The following HPS1 variants were observed in gnomAD, a reference collection of about 807,000 sequenced individuals.
HPS1 encodes the protein HPS1 biogenesis of lysosomal organelles complex 3 subunit 1, also known as BLOC-3 complex member HPS1.
Under a neutral mutation model 90.6 loss-of-function variants are expected in HPS1, and 59 were observed. The observed-to-expected ratio is 0.65, with a 90% CI of 0.53 to 0.81. The LOEUF is 0.81. Among genes scored for constraint, HPS1 ranks in the 30% least tolerant of loss-of-function variants. The pLI is 0.00. For synonymous variants in HPS1, 388 were observed against 384.4 expected, an observed-to-expected ratio of 1.01 and a Z score of -0.11; for missense variants, 849 against 896.7, an observed-to-expected ratio of 0.95 and a Z score of 0.68.
At position 98,434,082 on chromosome 10, in the gene HPS1, G is replaced by A. The variant is rs1846936369; in HGVS notation, c.408C>T (p.Pro136=). The A allele has an allele frequency of 6.5e-7, 1 of 1,549,894 alleles. No homozygotes were observed. The highest frequency in any genetic ancestry group is 1.4e-5 in the African/African-American group (1 of 73,188). Residue 136 remains proline (P), a synonymous_variant, in exon 6 of 20, where the codon CCC becomes CCT. Coordinates refer to ENST00000361490, the MANE Select transcript of HPS1 (RefSeq NM_000195.5). ...DGHLIRKELR[P]PDLAQRVQLW... is the part of the protein sequence containing the mutation. ...GCTGGACACGCTGCGCCAGGTCTGG[G>A]GGCCGCAGCCTGGGGGCAGAGCCAG...
chr10:98,417,857 C>T lies in HPS1; in HGVS notation c.1941-131G>A. The T allele has an allele frequency of 4.8e-6, 4 of 829,614 alleles. No individual in the cohort carries two copies. The South Asian group carries it at 6.4e-5, about 13-fold the overall frequency. 51.4% of individuals were successfully genotyped at this position (829,614 alleles called of 1,614,324 possible). A position where few individuals can be genotyped will look rare whatever the true frequency, so the allele number is the denominator to read the frequency against. ...TCTCACTAGGCCCCTGCATGTGGGCCTTGACAACCGCTCCGGTTCCTCACT... is the reference window on the plus strand; with the variant it reads ...TCTCACTAGGCCCCTGCATGTGGGCTTTGACAACCGCTCCGGTTCCTCACT... On this transcript the variant is annotated intron_variant, in intron 19 of 19. Transcript: ENST00000361490. This position sits in a 1 kb window ranked among gnomAD's most constrained non-coding sequence, Gnocchi z 4.2.
intron 11 of HPS1, among the ~76,000 whole-genome samples, chr10:98,426,841 C>G (rs1195370767): frequency 6.6e-6 from 1 of 151,616 alleles, no homozygotes; most frequent in African/African-American, 2.4e-5. Context: ...ATTTTGAGGA[C>G]GGGATTAAGA....
rs1383120459 is a variant in HPS1 at position 98,446,807 on chromosome 10, C to G, written c.-106G>C. 1 of 152,224 alleles carries G rather than the reference C, an allele frequency of 6.6e-6. No homozygotes were observed. Among genetic ancestry groups the G allele is most frequent in the Non-Finnish European group, 1.5e-5 (1 of 68,054 alleles). The allele number at this position is 152,224 out of a possible 1,614,324, so 9.4% of individuals were successfully genotyped here. ...GCTCCGGGACCCCTAGGGACCCTAC[C>G]TCACTTCCGGGAGGGTTGAAGGGGG... On this transcript the variant is annotated splice_region_variant and 5_prime_UTR_variant, in exon 1 of 20. Coordinates refer to ENST00000361490, the MANE Select transcript of HPS1 (RefSeq NM_000195.5).
chr10:98,431,363 G>A, intron 6 of HPS1, 72 bp from the exon 7 acceptor site: 1 of 1,495,342 alleles, frequency 6.7e-7, no homozygotes, highest in Non-Finnish European at 9.2e-7. Flanking sequence ...CTGGGCTAGT[G>A]GGGACATTCA....
In HPS1 at chr10:98,428,982, C is replaced by T. The variant is rs183364319; in HGVS notation, c.937+591G>A. Among the ~76,000 whole-genome samples the T allele has an allele frequency of 6.2e-3, 947 of 152,120 alleles. 3 individuals carry two copies. The highest frequency in any genetic ancestry group is 0.01 in the Non-Finnish European group (687 of 67,990). ...TCAGCCTCCCGAGTAGCTGGGATTA[C>T]AGGCGCCTGCCACCAGACCTGGCTA... On this transcript the variant is annotated intron_variant, in intron 10 of 19. Coordinates refer to ENST00000361490, the MANE Select transcript of HPS1 (RefSeq NM_000195.5).
In HPS1 at chr10:98,417,279, G is replaced by A; in HGVS notation, c.*285C>T. 1 of 329,810 alleles carries A rather than the reference G, an allele frequency of 3.0e-6. No individual in the cohort carries two copies. 20.4% of individuals were successfully genotyped at this position (329,810 alleles called of 1,614,324 possible). On this transcript the variant is annotated 3_prime_UTR_variant, in exon 20 of 20. Transcript: ENST00000361490. This position sits in a 1 kb window ranked among gnomAD's most constrained non-coding sequence, Gnocchi z 4.2. The stretch of plus-strand genomic sequence containing the variant: ...ATGGGGCTTCCTCCCCATCTCCCAG[G>A]ATAAAGGCAGAGGCAGCTCTGGAAG...
At chr10:98,421,626 A>G (rs1261019444) in intron 17 of HPS1, among the ~76,000 whole-genome samples, 1 of 152,146 alleles carries the variant, frequency 6.6e-6, no homozygotes, top group Non-Finnish European at 1.5e-5. Flanking sequence ...GATAACCCCA[A>G]CTGTCTCCAG....
At chr10:98,427,350 G>A (rs949052988) in intron 10 of HPS1, 86 bp from the exon 11 acceptor site, 65 of 1,177,658 alleles carry the variant, frequency 5.5e-5, no homozygotes, top group Non-Finnish European at 5.8e-5. Flanking sequence ...GGGCCCAGGT[G>A]CCCCCCACAA....
Position 98,429,889 on chromosome 10 carries a change from G to C in HPS1, c.769C>G (p.Pro257Ala), listed in dbSNP as rs1229186793. ...CTGCTCCGGGCCCTCCGCGGGGAAG[G>C]CTGTGCAGGGCAGGGGAGAGGCTGG... Reference protein sequence around the residue: ...SESTAEDDIQPSPRRARSSQN... With the variant: ...SESTAEDDIQASPRRARSSQN... The change falls in exon 9 of 20, where the codon CCT becomes GCT. Residue 257 changes from proline (P) to alanine (A), a missense_variant and splice_region_variant. Coordinates refer to ENST00000361490, the MANE Select transcript of HPS1 (RefSeq NM_000195.5). 1 of 1,609,774 alleles carries C rather than the reference G, an allele frequency of 6.2e-7. No homozygotes were observed. The highest frequency in any genetic ancestry group is 1.7e-5 in the Admixed American group (1 of 60,012).
chr10:98,420,229 G>A lies in HPS1; in HGVS notation c.1744-71C>T. ...GCCTGGGCAGCTCTCACCTCCGAAG[G>A]AAGGAAAGGGCACAGCCGAGAAGCT... On this transcript the variant is annotated intron_variant, in intron 17 of 19. Transcript: ENST00000361490. The A allele has an allele frequency of 3.6e-6, 4 of 1,102,178 alleles. 1 individual carries two copies. In the South Asian group the frequency reaches 5.0e-5, roughly 14 times the overall value. The allele number at this position is 1,102,178 out of a possible 1,614,324, so 68.3% of individuals were successfully genotyped here.
intron 10 of HPS1, 49 bp downstream of exon 10, chr10:98,429,524 G>T: frequency 6.2e-7 from 1 of 1,613,874 alleles, no homozygotes; most frequent in Non-Finnish European, 8.5e-7. Context: ...TGGGCTGCCT[G>T]TCGCTCGCAG....
Position 98,427,256 on chromosome 10 carries a change from TGGTGCTACCTGCAGGCCACA to T in HPS1, c.938-12_945del. 1.3e-6 allele frequency: 2 copies of T among 1,551,214 alleles called. No homozygotes were observed. The highest frequency in any genetic ancestry group is 1.7e-6 in the Non-Finnish European group (2 of 1,146,666). ...GGGGGGGTGCCCCCCTCCAGCCAGA[TGGTGCTACCTGCAGGCCACA>T]GGTAATAACATAACGATGTAAGTAC... On this transcript the variant is annotated splice_acceptor_variant and splice_polypyrimidine_tract_variant and coding_sequence_variant and intron_variant, in exon 11 of 20. Transcript: ENST00000361490. LOFTEE classifies it high-confidence loss of function.
intron 7 of HPS1, 106 bp from the exon 8 acceptor site, chr10:98,430,776 T>C: frequency 1.1e-6 from 1 of 891,506 alleles, no homozygotes; most frequent in East Asian, 2.6e-5. Context: ...AGGAGCAATG[T>C]ACTTCTGGAG....
chr10:98,423,281 C>CGCT (rs372730915), intron 16 of HPS1, among the ~76,000 whole-genome samples: 2 of 142,138 alleles, frequency 1.4e-5, no homozygotes, highest in Non-Finnish European at 3.1e-5. Context: ...CCACAGGAAC[C>CGCT]CCCCCCCCGG....
In HPS1 at chr10:98,434,207, T is replaced by G. The variant is rs933251463; in HGVS notation, c.399-116A>C. 2.8e-5 allele frequency: 28 copies of G among 1,011,044 alleles called. No individual in the cohort carries two copies. The Middle Eastern group carries it at 9.8e-4, about 35-fold the overall frequency. 62.6% of individuals were successfully genotyped at this position (1,011,044 alleles called of 1,614,324 possible). ...CAGAGCTTGGTGAGCCCATATGACC[T>G]GCCCACACAGCTGGGAAAGGGGGCC... is the stretch of plus-strand genomic sequence containing the variant. On this transcript the variant is annotated intron_variant, in intron 5 of 19. Transcript: ENST00000361490.
At position 98,417,905 on chromosome 10, in the gene HPS1, T is replaced by A. The variant is rs903640316; in HGVS notation, c.1941-179A>T. Among the ~76,000 whole-genome samples, 2 of 152,150 alleles carry A rather than the reference T, an allele frequency of 1.3e-5. No homozygotes were observed. The highest frequency in any genetic ancestry group is 2.9e-5 in the Non-Finnish European group (2 of 68,016). Reference sequence around the variant, plus strand: ...ACTGACCTAACAGTGGCATCCTGGCTACGAGGTAGCAGTGGGGATGTTCTG... The same window carrying A: ...ACTGACCTAACAGTGGCATCCTGGCAACGAGGTAGCAGTGGGGATGTTCTG... On this transcript the variant is annotated intron_variant, in intron 19 of 19. Transcript: ENST00000361490. The surrounding 1 kb of genome is among the most constrained non-coding windows in gnomAD (Gnocchi z 4.2).
chr10:98,424,291 T>C, intron 14 of HPS1, 22 bp downstream of exon 14: 1 of 1,600,020 alleles, frequency 6.2e-7, no homozygotes, highest in Non-Finnish European at 8.6e-7. Context: ...ACCCACCCCT[T>C]GTCCTGAGGC....
At chr10:98,431,497 G>C in intron 6 of HPS1, 1 of 604,666 alleles carries the variant, frequency 1.7e-6, no homozygotes. Context: ...ATGAGGCAAG[G>C]CAATACACAA....
chr10:98,426,049 CCTAT>C (rs1405204094), intron 11 of HPS1, 64 bp from the exon 12 acceptor site: 6 of 1,417,670 alleles, frequency 4.2e-6, no homozygotes, highest in East Asian at 2.3e-5. Flanking sequence ...CCATTGCGGC[CCTAT>C]CTGTGAACCA....
Sources: gnomAD v4.1 joint callset for allele counts (sites outside exome capture counted in the v4.1 genomes callset) on GRCh38, gnomAD v4.1.1 for gene constraint, Gnocchi (gnomAD v3.1) non-coding constraint, MANE v1.5 for transcripts, NCBI Gene and HGNC (gene_info 2026-07-23, HGNC 2026-07-21) for gene names.